VRK2: variants seen among roughly 807,000 people sequenced by gnomAD.
VRK2 encodes serine/threonine-protein kinase VRK2.
A neutral mutation model predicts 57.6 loss-of-function variants in VRK2; 60 were observed. That is an observed-to-expected ratio of 1.04 (90% confidence interval 0.85 to 1.29). The LOEUF (loss-of-function observed/expected upper bound fraction) is 1.29. Ranked by LOEUF, VRK2 falls within the 50% of genes most tolerant of loss-of-function variation. The pLI is 0.00. For missense variants in VRK2, 705 were observed against 588.1 expected, an observed-to-expected ratio of 1.20 and a Z score of -2.06; for synonymous variants, 231 against 199.2, an observed-to-expected ratio of 1.16 and a Z score of -1.35.
intron 1 of VRK2, among the ~76,000 whole-genome samples, chr2:57,933,648 T>C (rs1670811769): frequency 8.8e-6 from 1 of 113,310 alleles, no homozygotes; most frequent in Admixed American, 8.7e-5. Context: ...TAGCCTGTAG[T>C]TGAGTTTTTG....
intron 1 of VRK2, among the ~76,000 whole-genome samples, chr2:57,995,942 TG>T (rs1480092855): frequency 3.4e-4 from 52 of 152,336 alleles, no homozygotes; most frequent in African/African-American, 1.2e-3. Flanking sequence ...CTATTGGTTC[TG>T]CATCACAAGA....
intron 1 of VRK2, among the ~76,000 whole-genome samples, chr2:57,941,745 C>T (rs569577820): frequency 1.6e-4 from 24 of 152,320 alleles, no homozygotes; most frequent in African/African-American, 5.5e-4. Flanking sequence ...TGCCCTTTGG[C>T]TGGCCACAGA....
chr2:58,146,306 A>G lies in VRK2; in HGVS notation c.1024-10A>G, dbSNP rs566866890. ...TTCATTATATATTATTACTTACTCT[A>G]TACCAACAGGTTGATTCACAAAAGG... On this transcript the variant is annotated splice_polypyrimidine_tract_variant and intron_variant, in intron 11 of 12. Transcript: ENST00000340157. 2.2e-5 allele frequency: 35 copies of G among 1,603,654 alleles called. No homozygotes were observed. The highest frequency in any genetic ancestry group is 1.3e-4 in the African/African-American group (10 of 74,178).
At chr2:58,089,245 A>G (rs1672042090) in intron 6 of VRK2, among the ~76,000 whole-genome samples, 2 of 152,138 alleles carry the variant, frequency 1.3e-5, no homozygotes, top group South Asian at 2.1e-4. Context: ...GGCTTGATTT[A>G]TAATTATTGC....
At chr2:57,936,518 G>GTTTTTTTTTTTTTT (rs200492675) in intron 1 of VRK2, among the ~76,000 whole-genome samples, 2 of 134,998 alleles carry the variant, frequency 1.5e-5, no homozygotes, top group African/African-American at 5.8e-5. Flanking sequence ...GTTTTGTTTT[G>GTTTTTTTTTTTTTT]TTTTGTTTTT....
intron 1 of VRK2, among the ~76,000 whole-genome samples, chr2:57,972,452 G>A (rs1672125283): frequency 6.6e-6 from 1 of 151,762 alleles, no homozygotes; most frequent in South Asian, 2.1e-4. Flanking sequence ...ACTAACAGTA[G>A]ATTACCAGAA....
At chr2:57,985,826 A>G (rs1672576963) in intron 1 of VRK2, among the ~76,000 whole-genome samples, 1 of 152,158 alleles carries the variant, frequency 6.6e-6, no homozygotes, top group South Asian at 2.1e-4. Context: ...ATCCACTAAA[A>G]TGCTGCTAGA....
At chr2:58,157,436 A>G (rs1206108804) in intron 12 of VRK2, among the ~76,000 whole-genome samples, 1 of 152,278 alleles carries the variant, frequency 6.6e-6, no homozygotes, top group East Asian at 1.9e-4. Flanking sequence ...CTAGGTGTCA[A>G]TAGTATCTCC....
intron 10 of VRK2, among the ~76,000 whole-genome samples, chr2:58,136,981 CAT>C (rs1295601211): frequency 1.5e-3 from 194 of 127,174 alleles, no homozygotes; most frequent in East Asian, 4.1e-3. Flanking sequence ...TATTATATAT[CAT>C]ATATATGTGT....
intron 1 of VRK2, among the ~76,000 whole-genome samples, chr2:57,969,855 C>A (rs1203030375): frequency 6.6e-6 from 1 of 152,000 alleles, no homozygotes; most frequent in African/African-American, 2.4e-5. Context: ...CCATTGTCCA[C>A]CTTATAGCTT....
chr2:58,120,170 TTTTTTTTTCTTTTC>T (rs1677202585), intron 7 of VRK2, among the ~76,000 whole-genome samples: 2 of 141,052 alleles, frequency 1.4e-5, no homozygotes, highest in African/African-American at 2.9e-5. Context: ...TTTTTGTCTA[TTTTTTTTTCTTTTC>T]TTTTTTTTTT....
intron 1 of VRK2, among the ~76,000 whole-genome samples, chr2:58,017,389 C>G (rs1013455665): frequency 6.6e-6 from 1 of 152,220 alleles, no homozygotes; most frequent in Non-Finnish European, 1.5e-5. Flanking sequence ...GGCTCAAATT[C>G]TGCTCTCTTA....
chr2:58,028,903 AATATATATATATATATATATATAT>A lies in VRK2; in HGVS notation c.-333+3150_-333+3173del, dbSNP rs58729342. On this transcript the variant is annotated intron_variant, in intron 2 of 15. Coordinates refer to the VRK2 transcript ENST00000417641. ...AGTATAATAAATAAATAAATAAATA[AATATATATATATATATATATATAT>A]ATATATATATATATATTTAGAAGAG... is the stretch of plus-strand genomic sequence containing the variant. Among the ~76,000 whole-genome samples, 28 of 54,024 alleles carry A rather than the reference AATATATATATATATATATATATAT, an allele frequency of 5.2e-4. 1 individual carries two copies. The highest frequency in any genetic ancestry group is 8.9e-4 in the Admixed American group (4 of 4,494). 35.4% of individuals were successfully genotyped at this position (54,024 alleles called of 152,430 possible).
intron 2 of VRK2, among the ~76,000 whole-genome samples, chr2:58,068,485 A>G (rs1024957104): frequency 1.8e-4 from 27 of 152,110 alleles, no homozygotes; most frequent in African/African-American, 6.3e-4. Context: ...AGATTTGACT[A>G]TAATGTGTCT....
At chr2:58,046,455 G>T (rs1403731384), upstream of VRK2, 4 of 978,506 alleles carry the variant, frequency 4.1e-6, no homozygotes, top group African/African-American at 7.0e-5. Context: ...TTGGAAGCTC[G>T]TAGTACTCAG....
chr2:58,063,448 C>T (rs1250949612), intron 2 of VRK2, among the ~76,000 whole-genome samples: 2 of 151,894 alleles, frequency 1.3e-5, no homozygotes, highest in Non-Finnish European at 2.9e-5. Flanking sequence ...AATACCCTGA[C>T]TTGGTCACTA....
At chr2:58,019,838 G>T (rs756113999) in intron 1 of VRK2, among the ~76,000 whole-genome samples, 2 of 152,120 alleles carry the variant, frequency 1.3e-5, no homozygotes, top group African/African-American at 2.4e-5. Flanking sequence ...ACAACTGGAT[G>T]AACTAGAAAA....
intron 7 of VRK2, among the ~76,000 whole-genome samples, chr2:58,112,164 G>T (rs565794494): frequency 1.3e-5 from 2 of 152,226 alleles, no homozygotes; most frequent in South Asian, 4.1e-4. Flanking sequence ...GCCAGGATTC[G>T]AATCCTGCTT....
intron 10 of VRK2, among the ~76,000 whole-genome samples, chr2:58,138,269 G>A (rs991989351): frequency 2.0e-5 from 3 of 152,004 alleles, no homozygotes; most frequent in Non-Finnish European, 4.4e-5. Context: ...GGATACCCCC[G>A]AGCCCTTGTG....
Sources: gnomAD v4.1 joint callset for allele counts (sites outside exome capture counted in the v4.1 genomes callset) on GRCh38, gnomAD v4.1.1 for gene constraint, MANE v1.5 for transcripts, NCBI Gene and HGNC (gene_info 2026-07-23, HGNC 2026-07-21) for gene names.